Variants in ZBTB20 observed in about 807,000 individuals in gnomAD.
The protein encoded by ZBTB20 is zinc finger and BTB domain-containing protein 20.
ZBTB20 carries 9 observed loss-of-function variants against 56.9 expected under a neutral mutation model. The observed-to-expected ratio is 0.16, with a 90% CI of 0.10 to 0.28. The LOEUF is 0.28. ZBTB20 is among the 10% of genes least tolerant of loss of function. The pLI, the probability that ZBTB20 is intolerant of heterozygous loss-of-function variation, is 1.00. For synonymous variants in ZBTB20, 417 were observed against 420.7 expected (o/e 0.99, Z 0.11); for missense variants, 655 against 1,003.0 (o/e 0.65, Z 4.69).
chr3:114,723,058 C>T (rs1423240840), intron 5 of ZBTB20, among the ~76,000 whole-genome samples: 1 of 152,124 alleles, frequency 6.6e-6, no homozygotes, highest in African/African-American at 2.4e-5. Context: ...GATAGCTAGC[C>T]CTGAATCTGG....
chr3:114,361,963 C>T (rs2081937647), intron 10 of ZBTB20, among the ~76,000 whole-genome samples: 1 of 152,136 alleles, frequency 6.6e-6, no homozygotes, highest in South Asian at 2.1e-4. Context: ...GGCTCAATGG[C>T]ATCTTTGTGG....
intron 6 of ZBTB20, among the ~76,000 whole-genome samples, chr3:114,630,481 G>C (rs751034501): frequency 1.3e-5 from 2 of 152,220 alleles, no homozygotes; most frequent in African/African-American, 2.4e-5. Context: ...GTGTACGTGT[G>C]TGTGTATGGT....
chr3:114,999,335 G>T (rs1038376197), intron 2 of ZBTB20, among the ~76,000 whole-genome samples: 2 of 151,390 alleles, frequency 1.3e-5, no homozygotes, highest in South Asian at 2.1e-4. Context: ...GGGCAAAACA[G>T]AAAGAATGGA....
intron 6 of ZBTB20, among the ~76,000 whole-genome samples, chr3:114,597,621 A>C (rs921246725): frequency 6.6e-6 from 1 of 152,124 alleles, no homozygotes; most frequent in Non-Finnish European, 1.5e-5. Flanking sequence ...TCTTCTTCCA[A>C]TTCAAAAGCA....
intron 11 of ZBTB20, among the ~76,000 whole-genome samples, chr3:114,342,600 A>G (rs1483387950): frequency 6.6e-6 from 1 of 152,212 alleles, no homozygotes; most frequent in East Asian, 1.9e-4. Flanking sequence ...TAACTTGAGA[A>G]TAATATAGTA....
intron 2 of ZBTB20, among the ~76,000 whole-genome samples, chr3:114,994,365 G>T (rs916543324): frequency 1.3e-5 from 2 of 151,804 alleles, no homozygotes; most frequent in Admixed American, 1.3e-4. Context: ...AGCCTTTAAG[G>T]AATGGATAAT....
At position 114,334,222 on chromosome 3, in the gene ZBTB20, C is replaced by T. The variant is rs959796265; in HGVS notation, c.*4783G>A. On this transcript the variant is annotated 3_prime_UTR_variant, in exon 12 of 12. Coordinates refer to ENST00000675478, the MANE Select transcript of ZBTB20 (RefSeq NM_001348800.3). ...CTTCTAGAACAACAGAGGAAAGCTC[C>T]AGAATGGGTGTATATCCTGTGACTC... 2.0e-5 allele frequency: 3 copies of T among 152,244 alleles called. No homozygotes were observed. Among genetic ancestry groups the T allele is most frequent in the African/African-American group, 7.2e-5 (3 of 41,454 alleles). The allele number at this position is 152,244 out of a possible 1,614,324, so 9.4% of individuals were successfully genotyped here.
intron 8 of ZBTB20, among the ~76,000 whole-genome samples, chr3:114,384,522 C>T (rs771420741): frequency 6.6e-5 from 10 of 151,580 alleles, no homozygotes; most frequent in Non-Finnish European, 1.2e-4. Flanking sequence ...TTTCAACGGT[C>T]AGTTCTGACA....
At chr3:114,428,902 A>G (rs531561714) in intron 7 of ZBTB20, among the ~76,000 whole-genome samples, 24 of 152,346 alleles carry the variant, frequency 1.6e-4, no homozygotes, top group African/African-American at 5.5e-4. Flanking sequence ...TGGCAATTCT[A>G]GCAGTAATGA....
intron 4 of ZBTB20, among the ~76,000 whole-genome samples, chr3:114,890,379 T>G (rs758889897): frequency 2.0e-5 from 3 of 152,174 alleles, no homozygotes; most frequent in African/African-American, 4.8e-5. Context: ...ATTGTGTATG[T>G]GAATGAAAAC....
At chr3:115,094,662 A>G (rs1329875121) in intron 1 of ZBTB20, among the ~76,000 whole-genome samples, 1 of 151,998 alleles carries the variant, frequency 6.6e-6, no homozygotes, top group African/African-American at 2.4e-5. Flanking sequence ...AATTGCAACA[A>G]CAAATCACAA....
intron 1 of ZBTB20, among the ~76,000 whole-genome samples, chr3:115,101,187 C>T (rs1169267698): frequency 6.6e-6 from 1 of 152,150 alleles, no homozygotes; most frequent in Non-Finnish European, 1.5e-5. Context: ...AAGAAGCTAC[C>T]ATCACAATCA....
chr3:115,139,386 T>C (rs750842199), intron 1 of ZBTB20, among the ~76,000 whole-genome samples: 11 of 152,052 alleles, frequency 7.2e-5, no homozygotes, highest in Non-Finnish European at 1.5e-4. Context: ...ATATATCAAG[T>C]AGGTATATAG....
At chr3:114,365,434 TC>T (rs1029230022) in intron 10 of ZBTB20, among the ~76,000 whole-genome samples, 61 of 152,290 alleles carry the variant, frequency 4.0e-4, no homozygotes, top group African/African-American at 1.4e-3. Flanking sequence ...AGCTCTTGTT[TC>T]CCTGGGCCAG....
chr3:114,954,981 T>C (rs1171386769), intron 3 of ZBTB20, among the ~76,000 whole-genome samples: 1 of 152,188 alleles, frequency 6.6e-6, no homozygotes, highest in Non-Finnish European at 1.5e-5. Flanking sequence ...ATAGTAATTC[T>C]AAAGGAAACT....
chr3:114,697,397 A>T (rs1472845858), intron 5 of ZBTB20, among the ~76,000 whole-genome samples: 1 of 152,036 alleles, frequency 6.6e-6, no homozygotes, highest in African/African-American at 2.4e-5. Context: ...GTCTCATTTA[A>T]AGCCAGTTAA....
chr3:114,974,804 T>C (rs1443384533), intron 2 of ZBTB20, among the ~76,000 whole-genome samples: 1 of 152,174 alleles, frequency 6.6e-6, no homozygotes, highest in Non-Finnish European at 1.5e-5. Context: ...CTATGATGTA[T>C]AATGTACTGG....
At chr3:114,986,126 T>A (rs2078529540) in intron 2 of ZBTB20, among the ~76,000 whole-genome samples, 1 of 152,060 alleles carries the variant, frequency 6.6e-6, no homozygotes, top group African/African-American at 2.4e-5. Context: ...TCTGCTTTTC[T>A]GTGATACACA....
At chr3:114,634,230 A>T (rs1311812100) in intron 6 of ZBTB20, among the ~76,000 whole-genome samples, 1 of 152,216 alleles carries the variant, frequency 6.6e-6, no homozygotes, top group Admixed American at 6.5e-5. Flanking sequence ...GAGTTATTTT[A>T]AAGATCTGCC....
Sources: allele counts gnomAD v4.1 joint callset (sites outside exome capture counted in the v4.1 genomes callset), GRCh38; gene constraint gnomAD v4.1.1; transcripts MANE v1.5; gene names NCBI Gene and HGNC (gene_info 2026-07-23, HGNC 2026-07-21).